Variants in ARHGAP22 observed in about 807,000 individuals in gnomAD.
The protein encoded by ARHGAP22 is Rho GTPase activating protein 22.
Under a neutral mutation model 59.1 loss-of-function variants are expected in ARHGAP22, and 48 were observed. The observed-to-expected ratio is 0.81, with a 90% confidence interval of 0.64 to 1.03. The LOEUF is 1.03. Among genes scored for constraint, ARHGAP22 ranks in the 50% least tolerant of loss-of-function variants. ARHGAP22 has a pLI of 0.00. For missense variants in ARHGAP22, 1,015 were observed against 958.7 expected (o/e 1.06, Z -0.78); for synonymous variants, 445 against 416.4 (o/e 1.07, Z -0.84).
At chr10:48,622,858 C>T (rs975167207) in intron 1 of ARHGAP22, among the ~76,000 whole-genome samples, 1 of 152,178 alleles carries the variant, frequency 6.6e-6, no homozygotes, top group Non-Finnish European at 1.5e-5. Context: ...AAACAGATAA[C>T]TGGAGAAGCA....
At chr10:48,522,265 T>G (rs1363596804) in intron 3 of ARHGAP22, among the ~76,000 whole-genome samples, 1 of 152,218 alleles carries the variant, frequency 6.6e-6, no homozygotes, top group African/African-American at 2.4e-5. Flanking sequence ...TTGTAGGCAC[T>G]TCAGACTCAG....
intron 1 of ARHGAP22, among the ~76,000 whole-genome samples, chr10:48,634,504 A>G (rs113722025): frequency 0.012 from 1,902 of 152,274 alleles, 37 homozygotes; most frequent in African/African-American, 0.044. Context: ...TGGGTCTCTA[A>G]GAAGAGCCGC....
At chr10:48,559,628 C>T (rs147943734) in intron 2 of ARHGAP22, among the ~76,000 whole-genome samples, 208 of 152,272 alleles carry the variant, frequency 1.4e-3, no homozygotes, top group African/African-American at 4.6e-3. Context: ...GCTGATTGTC[C>T]TTTTAAATGG....
intron 3 of ARHGAP22, among the ~76,000 whole-genome samples, chr10:48,512,037 G>A (rs1372216514): frequency 6.6e-6 from 1 of 152,250 alleles, no homozygotes; most frequent in Non-Finnish European, 1.5e-5. Context: ...CCAGTGGTGA[G>A]CAGGCTCTCT....
At chr10:48,446,765 C>T in intron 9 of ARHGAP22, 146 bp from the exon 10 acceptor site, 1 of 760,054 alleles carries the variant, frequency 1.3e-6, no homozygotes, top group Non-Finnish European at 2.1e-6. Context: ...CTGCTCCTCA[C>T]AAGAACCCCA....
chr10:48,594,376 G>A (rs759779945), intron 1 of ARHGAP22, among the ~76,000 whole-genome samples: 3 of 152,212 alleles, frequency 2.0e-5, no homozygotes, highest in Non-Finnish European at 2.9e-5. Context: ...CCTCCACCCC[G>A]TCTCTCTCTT....
At chr10:48,588,250 G>C (rs957415889) in intron 1 of ARHGAP22, among the ~76,000 whole-genome samples, 6 of 152,168 alleles carry the variant, frequency 3.9e-5, no homozygotes, top group Admixed American at 6.5e-5. Flanking sequence ...GCATCCCCGA[G>C]GGTTCCACCT....
intron 5 of ARHGAP22, 103 bp downstream of exon 5, chr10:48,459,581 T>C: frequency 7.5e-7 from 1 of 1,334,590 alleles, no homozygotes; most frequent in Non-Finnish European, 1.1e-6. Context: ...CCCACCATCC[T>C]GTCGCTAGCC....
At chr10:48,439,794 T>C in the ARHGAP22 span, among the ~76,000 whole-genome samples, 1 of 152,240 alleles carries the variant, frequency 6.6e-6, no homozygotes, top group African/African-American at 2.4e-5. Flanking sequence ...ACAGGGTCCC[T>C]GCAGTACCTT....
chr10:48,461,763 C>G (rs2047153294), intron 4 of ARHGAP22, among the ~76,000 whole-genome samples: 1 of 152,226 alleles, frequency 6.6e-6, no homozygotes, highest in South Asian at 2.1e-4. Context: ...TATTCACACC[C>G]ACTGTGCAGA....
At chr10:48,447,445 G>A (rs1564653439) in intron 9 of ARHGAP22, among the ~76,000 whole-genome samples, 1 of 152,218 alleles carries the variant, frequency 6.6e-6, no homozygotes, top group African/African-American at 2.4e-5. Context: ...TGGTAACCAT[G>A]GACTGGAACA....
intron 3 of ARHGAP22, among the ~76,000 whole-genome samples, chr10:48,550,465 C>T (rs533547928): frequency 3.2e-4 from 49 of 152,310 alleles, no homozygotes; most frequent in African/African-American, 9.9e-4. Context: ...TCTCTTGCTC[C>T]GAGGTGTAGC....
At chr10:48,489,263 A>G (rs1008729677) in intron 3 of ARHGAP22, among the ~76,000 whole-genome samples, 1 of 152,124 alleles carries the variant, frequency 6.6e-6, no homozygotes, top group East Asian at 1.9e-4. Context: ...CTTCATAGAC[A>G]CCCTAGGAAG....
intron 2 of ARHGAP22, chr10:48,575,114 C>T (rs535716517): frequency 6.6e-6 from 1 of 152,300 alleles, no homozygotes; most frequent in East Asian, 1.9e-4. Flanking sequence ...CTCTCTTTTG[C>T]TCCTGCTCTG....
intron 5 of ARHGAP22, among the ~76,000 whole-genome samples, chr10:48,459,454 G>A (rs2046919304): frequency 6.6e-6 from 1 of 152,244 alleles, no homozygotes; most frequent in African/African-American, 2.4e-5. Flanking sequence ...ATGTGCAGGG[G>A]AGGCAGGCTG....
intron 3 of ARHGAP22, among the ~76,000 whole-genome samples, chr10:48,507,079 T>C (rs1351659664): frequency 6.6e-6 from 1 of 152,206 alleles, no homozygotes; most frequent in Non-Finnish European, 1.5e-5. Flanking sequence ...AATGACCTTG[T>C]TCCCAAGCAC....
At chr10:48,453,680 T>C (rs966907184) in intron 7 of ARHGAP22, among the ~76,000 whole-genome samples, 4 of 152,162 alleles carry the variant, frequency 2.6e-5, no homozygotes, top group African/African-American at 9.7e-5. Flanking sequence ...ACTCTGCAAA[T>C]TGTAGTGGGC....
chr10:48,491,528 T>G (rs920537338), intron 3 of ARHGAP22, among the ~76,000 whole-genome samples: 1 of 152,370 alleles, frequency 6.6e-6, no homozygotes, highest in Middle Eastern at 3.4e-3. Flanking sequence ...TGCTTATTCA[T>G]AATGTTTCTG....
intron 3 of ARHGAP22, chr10:48,493,604 C>CAG: frequency 6.8e-7 from 1 of 1,472,836 alleles, no homozygotes; most frequent in Admixed American, 2.2e-5. Flanking sequence ...TGCGGCCACT[C>CAG]GGCTGCCTGT....
Sources: gnomAD v4.1 joint callset for allele counts (sites outside exome capture counted in the v4.1 genomes callset) on GRCh38, gnomAD v4.1.1 for gene constraint, MANE v1.5 for transcripts, NCBI Gene and HGNC (gene_info 2026-07-23, HGNC 2026-07-21) for gene names.